Variants in PTPN12 observed in about 807,000 individuals in gnomAD.
PTPN12 encodes the protein protein tyrosine phosphatase non-receptor type 12, also known as tyrosine-protein phosphatase non-receptor type 12.
Under a neutral mutation model 97.6 loss-of-function variants are expected in PTPN12, and 29 were observed. The observed-to-expected ratio is 0.30, with a 90% CI of 0.22 to 0.41. PTPN12 has a LOEUF of 0.41. Ranked by LOEUF, PTPN12 falls within the 10% of genes least tolerant of loss-of-function variation. The probability of loss-of-function intolerance (pLI) is 1.00; values close to 1 mark genes in which losing one functional copy is unlikely to be tolerated. For missense variants in PTPN12, 819 were observed against 926.0 expected (o/e 0.88, Z 1.50); for synonymous variants, 327 against 300.4 (o/e 1.09, Z -0.91).
At chr7:77,620,207 G>A (rs1010508062) in intron 12 of PTPN12, among the ~76,000 whole-genome samples, 1 of 152,018 alleles carries the variant, frequency 6.6e-6, no homozygotes, top group African/African-American at 2.4e-5. Context: ...ACATGTAGCA[G>A]CAGTCTCTTC....
At chr7:77,625,472 G>GCTTGCGCGCGCTCT (rs1554326598) in intron 12 of PTPN12, among the ~76,000 whole-genome samples, 2 of 33,522 alleles carry the variant, frequency 6.0e-5, no homozygotes, top group African/African-American at 2.7e-4. Context: ...CAGGCTGCTC[G>GCTTGCGCGCGCTCT]CTCTCTCTCT....
At chr7:77,597,681 A>G (rs947007549) in intron 6 of PTPN12, among the ~76,000 whole-genome samples, 161 bp from the exon 7 acceptor site, 1 of 152,310 alleles carries the variant, frequency 6.6e-6, no homozygotes, top group East Asian at 1.9e-4. Flanking sequence ...AACATTTCAA[A>G]TGTTTGATGA....
At chr7:77,549,917 A>G (rs373056795) in intron 1 of PTPN12, among the ~76,000 whole-genome samples, 1 of 151,952 alleles carries the variant, frequency 6.6e-6, no homozygotes, top group African/African-American at 2.4e-5. Flanking sequence ...ACTATGATTT[A>G]CTCCCTGATC....
intron 1 of PTPN12, among the ~76,000 whole-genome samples, chr7:77,551,038 G>GTTTA (rs570706561): frequency 5.9e-4 from 89 of 151,994 alleles, no homozygotes; most frequent in Admixed American, 3.0e-3. Flanking sequence ...GATCCCACTT[G>GTTTA]TTTATTTATT....
chr7:77,629,622 A>G (rs1296790053), intron 13 of PTPN12, among the ~76,000 whole-genome samples: 1 of 151,966 alleles, frequency 6.6e-6, no homozygotes, highest in East Asian at 1.9e-4. Context: ...AGAAAGATGT[A>G]TGATGTGATA....
In PTPN12 at chr7:77,592,111, G is replaced by A. The variant is rs1473754292; in HGVS notation, c.421-74G>A. The A allele has an allele frequency of 3.8e-6, 5 of 1,309,614 alleles. No homozygotes were observed. The African/African-American group carries it at 4.5e-5, about 12-fold the overall frequency. 81.1% of individuals were successfully genotyped at this position (1,309,614 alleles called of 1,614,324 possible). ...GGAAGTAGAAGTAAGCAGAACCTCA[G>A]GACACAAAATATTTATAACAGTTTA... is the stretch of plus-strand genomic sequence containing the variant. On this transcript the variant is annotated intron_variant, in intron 5 of 17. Coordinates refer to ENST00000248594, the MANE Select transcript of PTPN12 (RefSeq NM_002835.4).
chr7:77,566,653 G>GT (rs1312360091), intron 1 of PTPN12, among the ~76,000 whole-genome samples: 1 of 152,198 alleles, frequency 6.6e-6, no homozygotes, highest in African/African-American at 2.4e-5. Context: ...GAGCCCAGGA[G>GT]TTTAAGACTG....
chr7:77,610,923 T>G lies in PTPN12; in HGVS notation c.841-25T>G. The G allele has an allele frequency of 1.9e-6, 3 of 1,586,356 alleles. No individual in the cohort carries two copies. The Admixed American group carries it at 5.7e-5, about 30-fold the overall frequency. On this transcript the variant is annotated intron_variant, in intron 10 of 17. Transcript: ENST00000248594. ...TTTAAAATGTTGTTTTCATTTTGTT[T>G]TTTAATCATTTTTCTCCTTCATAGG...
At chr7:77,603,883 C>CTTTTTTTTTTTTTTTTTTTTT (rs773037726) in intron 8 of PTPN12, among the ~76,000 whole-genome samples, 1 of 87,858 alleles carries the variant, frequency 1.1e-5, no homozygotes, top group Non-Finnish European at 2.1e-5. Flanking sequence ...TTTTTGTTTG[C>CTTTTTTTTTTTTTTTTTTTTT]TTTTTTTTTT....
At chr7:77,613,249 A>C (rs1472909059) in intron 11 of PTPN12, among the ~76,000 whole-genome samples, 1 of 122,204 alleles carries the variant, frequency 8.2e-6, no homozygotes, top group East Asian at 2.5e-4. Flanking sequence ...GTCTCGGCTC[A>C]CTGCAACCTC....
intron 2 of PTPN12, among the ~76,000 whole-genome samples, chr7:77,578,518 A>G (rs574510606): frequency 4.1e-4 from 62 of 152,346 alleles, no homozygotes; most frequent in Admixed American, 1.6e-3. Context: ...GTCTTCTACA[A>G]ATTTCTAAAG....
intron 1 of PTPN12, among the ~76,000 whole-genome samples, chr7:77,566,101 A>C: frequency 6.6e-6 from 1 of 152,240 alleles, no homozygotes; most frequent in Non-Finnish European, 1.5e-5. Flanking sequence ...ATAACACTTT[A>C]GCCAGAGCCC....
chr7:77,623,701 G>A lies in PTPN12; in HGVS notation c.1026-3004G>A, dbSNP rs1486630195. Reference sequence around the variant, plus strand: ...TGTACTCCAGCCTGAGTAACAGAATGAGACTCTGTCTCAATAAAAAATATG... The same window carrying A: ...TGTACTCCAGCCTGAGTAACAGAATAAGACTCTGTCTCAATAAAAAATATG... On this transcript the variant is annotated intron_variant, in intron 12 of 17. Coordinates refer to ENST00000248594, the MANE Select transcript of PTPN12 (RefSeq NM_002835.4). Among the ~76,000 whole-genome samples, 3 of 152,188 alleles carry A rather than the reference G, an allele frequency of 2.0e-5. No homozygotes were observed. In the East Asian group the frequency reaches 5.8e-4, roughly 29 times the overall value.
At chr7:77,551,692 T>C (rs1807486907) in intron 1 of PTPN12, among the ~76,000 whole-genome samples, 1 of 152,254 alleles carries the variant, frequency 6.6e-6, no homozygotes, top group Non-Finnish European at 1.5e-5. Context: ...TTCACCATTC[T>C]TCCATCCAAG....
intron 12 of PTPN12, among the ~76,000 whole-genome samples, chr7:77,620,675 C>T (rs536604687): frequency 3.3e-5 from 5 of 152,202 alleles, no homozygotes; most frequent in East Asian, 3.8e-4. Flanking sequence ...TGGGGCCAGG[C>T]GTGGTGGCTC....
At chr7:77,567,408 C>T (rs1257579337) in intron 1 of PTPN12, among the ~76,000 whole-genome samples, 2 of 152,116 alleles carry the variant, frequency 1.3e-5, no homozygotes, top group African/African-American at 4.8e-5. Context: ...ATCAGAAACT[C>T]TGTAGGAGCT....
intron 2 of PTPN12, among the ~76,000 whole-genome samples, chr7:77,573,888 G>T (rs1787247142): frequency 6.6e-6 from 1 of 152,166 alleles, no homozygotes; most frequent in African/African-American, 2.4e-5. Context: ...AGCCTCCCAA[G>T]TAGCTGGGAT....
chr7:77,626,659 T>G, intron 12 of PTPN12, 46 bp from the exon 13 acceptor site: 1 of 1,523,072 alleles, frequency 6.6e-7, no homozygotes, highest in Non-Finnish European at 8.8e-7. Context: ...AGGTATCAAC[T>G]TGTTTAACAG....
At chr7:77,632,539 G>A (rs1365211369) in intron 14 of PTPN12, 114 bp downstream of exon 14, 2 of 741,314 alleles carry the variant, frequency 2.7e-6, no homozygotes, top group African/African-American at 3.6e-5. Flanking sequence ...TCAAAAACAA[G>A]TAAATTGATG....
Sources: allele counts gnomAD v4.1 joint callset (sites outside exome capture counted in the v4.1 genomes callset), GRCh38; gene constraint gnomAD v4.1.1; transcripts MANE v1.5; gene names NCBI Gene and HGNC (gene_info 2026-07-23, HGNC 2026-07-21).